Variants in AIDA observed in about 807,000 individuals in gnomAD.
AIDA encodes the protein axin interactor, dorsalization associated, also known as axin interactor, dorsalization-associated protein.
In AIDA, 18 loss-of-function variants were observed where a neutral mutation model predicts 42.7. That is an observed-to-expected ratio of 0.42 (90% CI 0.29 to 0.63). The LOEUF (loss-of-function observed/expected upper bound fraction) is 0.63. Among genes scored for constraint, AIDA ranks in the 20% least tolerant of loss-of-function variants. The probability of loss-of-function intolerance (pLI) is 0.19; values close to 1 mark genes in which losing one functional copy is unlikely to be tolerated. For missense variants in AIDA, 250 were observed against 354.1 expected, an observed-to-expected ratio of 0.71 and a Z score of 2.36; for synonymous variants, 104 against 122.9, an observed-to-expected ratio of 0.85 and a Z score of 1.02.
intron 4 of AIDA, among the ~76,000 whole-genome samples, chr1:222,689,964 C>T (rs1655329147): frequency 6.6e-6 from 1 of 152,076 alleles, no homozygotes; most frequent in African/African-American, 2.4e-5. Flanking sequence ...CTTTTACTAT[C>T]CTTTTTCTAC....
At chr1:222,682,586 T>C (rs1021891179) in intron 6 of AIDA, among the ~76,000 whole-genome samples, 4 of 152,196 alleles carry the variant, frequency 2.6e-5, no homozygotes, top group African/African-American at 9.6e-5. Context: ...ATACATATGA[T>C]AATATATATA....
intron 6 of AIDA, among the ~76,000 whole-genome samples, chr1:222,678,384 G>A (rs1664592375): frequency 6.6e-6 from 1 of 152,030 alleles, no homozygotes; most frequent in African/African-American, 2.4e-5. Context: ...AAAGAGACAA[G>A]TTCTTTTTAT....
intron 7 of AIDA, among the ~76,000 whole-genome samples, chr1:222,675,497 AC>A (rs1664528066): frequency 6.6e-6 from 1 of 152,240 alleles, no homozygotes. Context: ...CTTCCTAACC[AC>A]AGTAACATAG....
At chr1:222,673,466 C>T in intron 7 of AIDA, 31 bp from the exon 8 acceptor site, 2 of 1,535,002 alleles carry the variant, frequency 1.3e-6, no homozygotes, top group Non-Finnish European at 1.8e-6. Context: ...TCTTTAGGAA[C>T]ATTCAAATAT....
At chr1:222,671,820 A>G (rs1448334823) in intron 8 of AIDA, among the ~76,000 whole-genome samples, 1 of 152,220 alleles carries the variant, frequency 6.6e-6, no homozygotes, top group Admixed American at 6.5e-5. Flanking sequence ...CAAAGATTTT[A>G]AAGACAGCAG....
chr1:222,703,344 T>C (rs1250642559), intron 1 of AIDA, 127 bp from the exon 2 acceptor site: 3 of 606,284 alleles, frequency 4.9e-6, no homozygotes, highest in African/African-American at 1.9e-5. Context: ...CAAATCTACA[T>C]TGAGAACCAA....
intron 7 of AIDA, among the ~76,000 whole-genome samples, chr1:222,675,796 C>T (rs995525552): frequency 6.6e-6 from 1 of 152,170 alleles, no homozygotes; most frequent in Non-Finnish European, 1.5e-5. Context: ...GATGTATCTG[C>T]TGTTAAAGAT....
intron 1 of AIDA, among the ~76,000 whole-genome samples, chr1:222,704,187 A>C (rs1655782373): frequency 6.6e-6 from 1 of 152,216 alleles, no homozygotes; most frequent in African/African-American, 2.4e-5. Flanking sequence ...AGGTACTGAC[A>C]GGATGTGAAA....
chr1:222,678,627 T>A (rs1664597902), intron 6 of AIDA, among the ~76,000 whole-genome samples: 1 of 152,190 alleles, frequency 6.6e-6, no homozygotes, highest in Non-Finnish European at 1.5e-5. Flanking sequence ...GGAAAGATAC[T>A]TAATTTATTC....
intron 6 of AIDA, among the ~76,000 whole-genome samples, chr1:222,677,035 A>G (rs903137275): frequency 6.6e-6 from 1 of 151,954 alleles, no homozygotes; most frequent in African/African-American, 2.4e-5. Flanking sequence ...CCATCAACTG[A>G]TATCTCTCAA....
intron 4 of AIDA, among the ~76,000 whole-genome samples, chr1:222,689,180 G>A (rs1235051365): frequency 2.0e-5 from 3 of 151,800 alleles, no homozygotes; most frequent in African/African-American, 4.8e-5. Flanking sequence ...GTTCACACCT[G>A]TAATCCCAGC....
chr1:222,677,020 C>G (rs1664557932), intron 6 of AIDA, among the ~76,000 whole-genome samples: 2 of 151,588 alleles, frequency 1.3e-5, no homozygotes, highest in South Asian at 4.2e-4. Context: ...ATTGCTTCTT[C>G]CAATCCATCA....
chr1:222,703,090 A>G, intron 2 of AIDA, 58 bp downstream of exon 2: 1 of 1,425,300 alleles, frequency 7.0e-7, no homozygotes, highest in Non-Finnish European at 9.5e-7. Context: ...TAATGAACTC[A>G]AAAGACAAAA....
chr1:222,701,467 A>C (rs1435828528), intron 2 of AIDA, among the ~76,000 whole-genome samples: 1 of 152,156 alleles, frequency 6.6e-6, no homozygotes, highest in Admixed American at 6.5e-5. Flanking sequence ...TCTGATAGCT[A>C]TTAATTTATA....
chr1:222,691,113 A>G (rs1655357791), intron 4 of AIDA, among the ~76,000 whole-genome samples: 1 of 152,230 alleles, frequency 6.6e-6, no homozygotes, highest in African/African-American at 2.4e-5. Context: ...TAAGCCTTTC[A>G]AAACCAAATT....
intron 5 of AIDA, 49 bp downstream of exon 5, chr1:222,687,542 TGAAA>T (rs1287338733): frequency 1.4e-6 from 2 of 1,404,648 alleles, no homozygotes; most frequent in Non-Finnish European, 9.7e-7. Flanking sequence ...CAGAACTATC[TGAAA>T]GAGAGGTATA....
intron 6 of AIDA, among the ~76,000 whole-genome samples, chr1:222,681,183 G>A (rs1446623978): frequency 2.0e-5 from 3 of 152,136 alleles, no homozygotes; most frequent in East Asian, 1.9e-4. Flanking sequence ...CTGTCCTCAC[G>A]TGTACCTCTG....
At chr1:222,708,540 T>C (rs1655904911) in intron 1 of AIDA, among the ~76,000 whole-genome samples, 1 of 151,746 alleles carries the variant, frequency 6.6e-6, no homozygotes. Context: ...GCTAATGTTT[T>C]TGTATTTTTA....
At chr1:222,685,071 G>A (rs1454617229) in intron 6 of AIDA, among the ~76,000 whole-genome samples, 1 of 152,090 alleles carries the variant, frequency 6.6e-6, no homozygotes, top group East Asian at 1.9e-4. Context: ...ATAAAGCAAA[G>A]TAAATTGGAA....
Sources: allele counts gnomAD v4.1 joint callset (sites outside exome capture counted in the v4.1 genomes callset), GRCh38; gene constraint gnomAD v4.1.1; transcripts MANE v1.5; gene names NCBI Gene and HGNC (gene_info 2026-07-23, HGNC 2026-07-21).